Variants in MAF observed in about 807,000 individuals in gnomAD.
MAF encodes MAF bZIP transcription factor, also known as transcription factor Maf.
MAF carries 10 observed loss-of-function variants against 22.0 expected under a neutral mutation model. The ratio of observed to expected loss-of-function variants is 0.45; its 90% confidence interval spans 0.28 to 0.77. The LOEUF (loss-of-function observed/expected upper bound fraction) is 0.77. Ranked by LOEUF, MAF falls within the 30% of genes least tolerant of loss-of-function variation. The pLI is 0.12. For synonymous variants in MAF, 337 were observed against 255.8 expected, an observed-to-expected ratio of 1.32 and a Z score of -3.03; for missense variants, 544 against 548.4, an observed-to-expected ratio of 0.99 and a Z score of 0.08.
At chr16:79,547,827 C>A in the MAF span, among the ~76,000 whole-genome samples, 1 of 152,208 alleles carries the variant, frequency 6.6e-6, no homozygotes, top group East Asian at 1.9e-4. Context: ...TCTGTCTCCT[C>A]TGTAGCAAAC....
At chr16:79,459,603 C>T in the MAF span, among the ~76,000 whole-genome samples, 1 of 151,538 alleles carries the variant, frequency 6.6e-6, no homozygotes, top group Non-Finnish European at 1.5e-5. Flanking sequence ...GACAGGGTGT[C>T]ATTCTAACAA....
the MAF span, among the ~76,000 whole-genome samples, chr16:79,505,325 T>C: frequency 6.6e-5 from 10 of 152,218 alleles, no homozygotes; most frequent in Non-Finnish European, 1.3e-4. Flanking sequence ...GGCAACTAAG[T>C]AACAAGGGCT....
the MAF span, among the ~76,000 whole-genome samples, chr16:79,277,254 C>T: frequency 3.9e-5 from 6 of 152,190 alleles, no homozygotes; most frequent in Admixed American, 6.5e-5. Context: ...CTGCAAAGAC[C>T]GCATTTCCAA....
At chr16:79,256,945 G>A in the MAF span, among the ~76,000 whole-genome samples, 7 of 152,148 alleles carry the variant, frequency 4.6e-5, no homozygotes, top group East Asian at 3.9e-4. Flanking sequence ...TTGGGAGGCC[G>A]AGGCGGGCAG....
At chr16:79,213,161 C>A in the MAF span, among the ~76,000 whole-genome samples, 28 of 152,128 alleles carry the variant, frequency 1.8e-4, no homozygotes, top group African/African-American at 6.8e-4. Context: ...TCTGGCAAGA[C>A]GGAGAAAATG....
At chr16:79,333,593 G>C in the MAF span, among the ~76,000 whole-genome samples, 1 of 152,208 alleles carries the variant, frequency 6.6e-6, no homozygotes, top group Non-Finnish European at 1.5e-5. Context: ...ATTAAAATTT[G>C]ATACTGAGTT....
At chr16:79,327,662 T>A in the MAF span, among the ~76,000 whole-genome samples, 1 of 152,208 alleles carries the variant, frequency 6.6e-6, no homozygotes, top group African/African-American at 2.4e-5. Flanking sequence ...ATCCAAATGA[T>A]ACACATTTTT....
chr16:79,211,557 C>CATCA, the MAF span: 1 of 1,612,310 alleles, frequency 6.2e-7, no homozygotes, highest in Non-Finnish European at 8.5e-7. Flanking sequence ...GACGCCATCT[C>CATCA]ATCACTCCTT....
At chr16:79,536,201 A>T in the MAF span, among the ~76,000 whole-genome samples, 1 of 152,250 alleles carries the variant, frequency 6.6e-6, no homozygotes, top group Non-Finnish European at 1.5e-5. Flanking sequence ...ACTTTGGCCC[A>T]GGCAGAGTCC....
the MAF span, among the ~76,000 whole-genome samples, chr16:79,438,120 G>A: frequency 6.6e-5 from 10 of 152,188 alleles, no homozygotes; most frequent in East Asian, 1.7e-3. Context: ...GCGTTGGGGG[G>A]GCAGGGGGAA....
At chr16:79,284,387 G>A in the MAF span, among the ~76,000 whole-genome samples, 12 of 152,216 alleles carry the variant, frequency 7.9e-5, no homozygotes, top group Middle Eastern at 3.4e-3. Context: ...ACCCCTTAGA[G>A]GGTTCCACTG....
the MAF span, among the ~76,000 whole-genome samples, chr16:79,290,578 A>G: frequency 6.7e-6 from 1 of 150,308 alleles, no homozygotes; most frequent in Admixed American, 6.6e-5. Context: ...TACATTATCT[A>G]ATCCAGAGTA....
downstream of MAF, among the ~76,000 whole-genome samples, chr16:79,588,938 T>C (rs1194019099): frequency 1.3e-5 from 2 of 152,152 alleles, no homozygotes; most frequent in Admixed American, 1.3e-4. Flanking sequence ...CTTAGAAAGA[T>C]TACCGAGGGT....
At chr16:79,270,980 A>T in the MAF span, among the ~76,000 whole-genome samples, 1 of 151,294 alleles carries the variant, frequency 6.6e-6, no homozygotes, top group Non-Finnish European at 1.5e-5. Flanking sequence ...GGCTCACTGC[A>T]ATCTCCGCCT....
the MAF span, chr16:79,516,279 G>A: frequency 2.6e-5 from 4 of 152,144 alleles, no homozygotes; most frequent in African/African-American, 9.7e-5. Flanking sequence ...ATTCCCCCAA[G>A]ACTTACATTT....
rs756504843 is a variant in MAF, at chr16:79,599,885, T to C, written c.18A>G (p.Ala6=). 24 of 1,602,278 alleles carry C rather than the reference T, an allele frequency of 1.5e-5. No homozygotes were observed. Among genetic ancestry groups the C allele is most frequent in the Non-Finnish European group, 1.9e-5 (22 of 1,179,340 alleles). The change falls in exon 1 of 2, where the codon GCA becomes GCG. Residue 6 remains alanine (A), a synonymous_variant. Coordinates refer to ENST00000326043, the MANE Select transcript of MAF (RefSeq NM_005360.5). MASEL[A]MSNSDLPTSP... is the part of the protein sequence containing the mutation. ...TGGTGGGCAGGTCGGAGTTGCTCAT[T>C]GCCAGTTCTGATGCCATTCTCCTGC...
chr16:79,250,960 G>A, the MAF span, among the ~76,000 whole-genome samples: 1 of 152,160 alleles, frequency 6.6e-6, no homozygotes, highest in Non-Finnish European at 1.5e-5. Context: ...AAAAGCAACA[G>A]CCATCACCAT....
chr16:79,576,958 C>G, the MAF span, among the ~76,000 whole-genome samples: 1 of 152,110 alleles, frequency 6.6e-6, no homozygotes, highest in East Asian at 1.9e-4. Flanking sequence ...TGATTTAATG[C>G]TGATTTATCT....
At chr16:79,231,252 G>A in the MAF span, among the ~76,000 whole-genome samples, 2 of 152,040 alleles carry the variant, frequency 1.3e-5, no homozygotes, top group African/African-American at 4.8e-5. Flanking sequence ...AGACTTGACT[G>A]TTTAAGAACC....
Sources: allele counts gnomAD v4.1 joint callset (sites outside exome capture counted in the v4.1 genomes callset), GRCh38; gene constraint gnomAD v4.1.1; transcripts MANE v1.5; gene names NCBI Gene and HGNC (gene_info 2026-07-23, HGNC 2026-07-21).